The following ABR variants were observed in gnomAD, a reference collection of about 807,000 sequenced individuals.
ABR encodes the protein ABR activator of RhoGEF and GTPase.
A neutral mutation model predicts 107.2 loss-of-function variants in ABR; 35 were observed. The observed-to-expected ratio is 0.33, with a 90% CI of 0.25 to 0.43. The LOEUF is 0.43. Among genes scored for constraint, ABR ranks in the 20% least tolerant of loss-of-function variants. ABR has a pLI of 1.00. For synonymous variants in ABR, 498 were observed against 462.0 expected (o/e 1.08, Z -1.00); for missense variants, 815 against 1,115.2 (o/e 0.73, Z 3.83).
chr17:1,039,812 A>C (rs1476529158), intron 16 of ABR, among the ~76,000 whole-genome samples: 3 of 152,112 alleles, frequency 2.0e-5, no homozygotes, highest in Non-Finnish European at 4.4e-5. Flanking sequence ...GGAACTCCTA[A>C]GCCAGGAGCC....
chr17:1,149,504 A>C (rs1597978804), intron 1 of ABR, among the ~76,000 whole-genome samples: 1 of 141,506 alleles, frequency 7.1e-6, no homozygotes, highest in African/African-American at 2.7e-5. Context: ...AGCAACTTCC[A>C]CCTCCCGGGT....
intron 1 of ABR, among the ~76,000 whole-genome samples, chr17:1,195,352 T>C (rs1339502495): frequency 6.8e-6 from 1 of 147,136 alleles, no homozygotes; most frequent in Non-Finnish European, 1.5e-5. Context: ...CACCTTGGCC[T>C]CTCCAAGTGC....
intron 16 of ABR, among the ~76,000 whole-genome samples, chr17:1,026,581 C>T (rs57380284): frequency 0.04 from 6,055 of 152,214 alleles, 349 homozygotes; most frequent in African/African-American, 0.13. Flanking sequence ...CTCCACGGGC[C>T]CCTCCCGCCT....
chr17:1,193,776 C>A (rs771278079), intron 1 of ABR, among the ~76,000 whole-genome samples: 15 of 152,138 alleles, frequency 9.9e-5, no homozygotes, highest in Non-Finnish European at 1.8e-4. Context: ...CTGCATCCTC[C>A]GCCTCCCAGG....
chr17:1,051,785 T>C lies in ABR; in HGVS notation c.1562-1151A>G, dbSNP rs1173670153. On this transcript the variant is annotated intron_variant, in intron 14 of 22. Coordinates refer to ENST00000302538, the MANE Select transcript of ABR (RefSeq NM_021962.5). This position sits in a 1 kb window ranked among gnomAD's most constrained non-coding sequence, Gnocchi z 4.3. Reference sequence around the variant, plus strand: ...CTGGGCCATTCTCCATCAGAACAGCTTTCCTGGCCGGGCAAGGTGGCTCAC... The same window carrying C: ...CTGGGCCATTCTCCATCAGAACAGCCTTCCTGGCCGGGCAAGGTGGCTCAC... Among the ~76,000 whole-genome samples, 1 of 152,158 alleles carries C rather than the reference T, an allele frequency of 6.6e-6. No individual in the cohort carries two copies. The highest frequency in any genetic ancestry group is 1.5e-5 in the Non-Finnish European group (1 of 68,018).
intron 1 of ABR, among the ~76,000 whole-genome samples, chr17:1,218,146 G>A (rs985003638): frequency 6.6e-5 from 10 of 152,126 alleles, no homozygotes; most frequent in Admixed American, 6.6e-4. Context: ...ACCACATGCC[G>A]GACCCCATGC....
At chr17:1,109,153 G>C in intron 2 of ABR, 1 of 1,274,346 alleles carries the variant, frequency 7.8e-7, no homozygotes, top group Non-Finnish European at 1.1e-6. Context: ...AGGCGGGCGG[G>C]AGGGGGGGCA....
chr17:1,078,822 C>G lies in ABR; in HGVS notation c.700+508G>C. On this transcript the variant is annotated intron_variant, in intron 6 of 22. Coordinates refer to ENST00000302538, the MANE Select transcript of ABR (RefSeq NM_021962.5). The surrounding 1 kb of genome is among the most constrained non-coding windows in gnomAD (Gnocchi z 7.5). ...GCGAGCACCTGGGTTACCATAGGTG[C>G]AGTTACAGCAGAAGCGAATAATGAG... The G allele has an allele frequency of 1.3e-6, 2 of 1,535,598 alleles. No individual in the cohort carries two copies. The highest frequency in any genetic ancestry group is 1.7e-6 in the Non-Finnish European group (2 of 1,146,840).
chr17:1,028,605 C>T (rs1392604493), intron 16 of ABR, among the ~76,000 whole-genome samples: 1 of 152,218 alleles, frequency 6.6e-6, no homozygotes, highest in Non-Finnish European at 1.5e-5. Context: ...CAGCAGCTCC[C>T]ATCACAGAAC....
intron 1 of ABR, among the ~76,000 whole-genome samples, chr17:1,198,802 A>ATTT (rs538633476): frequency 4.1e-4 from 48 of 116,254 alleles, no homozygotes; most frequent in Middle Eastern, 4.0e-3. Flanking sequence ...CACCTGGCAA[A>ATTT]TTTTTTTTTT....
intron 9 of ABR, among the ~76,000 whole-genome samples, chr17:1,068,083 C>T (rs1209979293): frequency 2.0e-5 from 3 of 152,194 alleles, no homozygotes; most frequent in Non-Finnish European, 4.4e-5. Context: ...TAGGTGCCTG[C>T]CATCACACCC....
At chr17:1,038,593 C>T (rs1362778092) in intron 16 of ABR, among the ~76,000 whole-genome samples, 2 of 152,224 alleles carry the variant, frequency 1.3e-5, no homozygotes, top group Non-Finnish European at 2.9e-5. Context: ...CCTCCCTGCC[C>T]CAGCCCAAAG....
rs533864218 is a variant in ABR, at chr17:1,217,922, T to C, written c.838+10871A>G. ...GTTGGCCAGGCTGGTCTTGAACTCCTGACCTCAGGTGATCCGCCCGCCTCG... is the reference window on the plus strand; with the variant it reads ...GTTGGCCAGGCTGGTCTTGAACTCCCGACCTCAGGTGATCCGCCCGCCTCG... On this transcript the variant is annotated intron_variant, in intron 1 of 22. Transcript: ENST00000574139. Among the ~76,000 whole-genome samples, 604 of 152,352 alleles carry C rather than the reference T, an allele frequency of 4.0e-3. 6 individuals carry two copies. The highest frequency in any genetic ancestry group is 0.013 in the African/African-American group (560 of 41,584).
chr17:1,057,715 G>C, intron 12 of ABR: 4 of 463,958 alleles, frequency 8.6e-6, no homozygotes, highest in Non-Finnish European at 1.6e-5. Flanking sequence ...GAGAGAGAGA[G>C]AGGTAGAGAG....
At chr17:1,168,284 G>A (rs1174525050) in intron 1 of ABR, among the ~76,000 whole-genome samples, 1 of 152,186 alleles carries the variant, frequency 6.6e-6, no homozygotes, top group Non-Finnish European at 1.5e-5. Context: ...TGGGCGACAA[G>A]AGCGAGACTC....
At chr17:1,058,896 C>A (rs1311666074) in intron 10 of ABR, 29 bp from the exon 11 acceptor site, 1 of 1,612,738 alleles carries the variant, frequency 6.2e-7, no homozygotes, top group Non-Finnish European at 8.5e-7. Flanking sequence ...CAGAGGGTTC[C>A]CCTCACACTC....
chr17:1,050,248 C>T lies in ABR; in HGVS notation c.1660-67G>A, dbSNP rs931321352. 8 of 1,552,224 alleles carry T rather than the reference C, an allele frequency of 5.2e-6. No individual in the cohort carries two copies. The highest frequency in any genetic ancestry group is 2.7e-5 in the African/African-American group (2 of 73,202). On this transcript the variant is annotated intron_variant, in intron 15 of 22. Transcript: ENST00000302538. This position sits in a 1 kb window ranked among gnomAD's most constrained non-coding sequence, Gnocchi z 4.6. Reference sequence around the variant, plus strand: ...GGGAGGCCTGGCTTTCCGGCAGGTGCGTGCCTCAGCTTTGCAAGGAGGAGG... The same window carrying T: ...GGGAGGCCTGGCTTTCCGGCAGGTGTGTGCCTCAGCTTTGCAAGGAGGAGG...
At chr17:1,083,107 G>C (rs2036361032) in intron 5 of ABR, among the ~76,000 whole-genome samples, 1 of 127,376 alleles carries the variant, frequency 7.9e-6, no homozygotes, top group South Asian at 2.6e-4. Context: ...CTGGGCGACA[G>C]AGCAAGACTC....
chr17:1,093,973 A>G (rs1157711186), intron 3 of ABR, among the ~76,000 whole-genome samples: 1 of 150,736 alleles, frequency 6.6e-6, no homozygotes, highest in Non-Finnish European at 1.5e-5. Context: ...CGCGCTAGAA[A>G]CAACGGCCCC....
Sources: allele counts gnomAD v4.1 joint callset (sites outside exome capture counted in the v4.1 genomes callset), GRCh38; gene constraint gnomAD v4.1.1; non-coding constraint Gnocchi (gnomAD v3.1); transcripts MANE v1.5; gene names NCBI Gene and HGNC (gene_info 2026-07-23, HGNC 2026-07-21).